NRG3: variants seen among roughly 807,000 people sequenced by gnomAD.
NRG3 encodes the protein neuregulin 3.
In NRG3, 31 loss-of-function variants were observed where a neutral mutation model predicts 66.9. The observed-to-expected ratio is 0.46, with a 90% CI of 0.35 to 0.63. The LOEUF (loss-of-function observed/expected upper bound fraction) is 0.63, where lower values mean the gene tolerates loss of function less well. Ranked by LOEUF, NRG3 falls within the 20% of genes least tolerant of loss-of-function variation. NRG3 has a pLI of 0.00. For synonymous variants in NRG3, 393 were observed against 359.4 expected (o/e 1.09, Z -1.06); for missense variants, 910 against 878.9 (o/e 1.04, Z -0.45).
intron 1 of NRG3, among the ~76,000 whole-genome samples, chr10:82,119,854 G>A (rs1590185384): frequency 1.3e-5 from 2 of 152,110 alleles, no homozygotes; most frequent in East Asian, 3.9e-4. Context: ...CTGAAAACAC[G>A]AGCACCTCTT....
intron 2 of NRG3, among the ~76,000 whole-genome samples, chr10:82,621,398 A>G (rs1259254084): frequency 6.6e-6 from 1 of 152,168 alleles, no homozygotes; most frequent in African/African-American, 2.4e-5. Flanking sequence ...ATCTGGCACA[A>G]TTTCTCTTAG....
chr10:82,863,493 C>T (rs1291079590), intron 3 of NRG3, among the ~76,000 whole-genome samples: 1 of 152,174 alleles, frequency 6.6e-6, no homozygotes, highest in African/African-American at 2.4e-5. Context: ...AAAAGTGTTC[C>T]TATTTCTCCA....
intron 1 of NRG3, among the ~76,000 whole-genome samples, chr10:82,149,053 TTTG>T (rs950087980): frequency 1.5e-5 from 1 of 67,378 alleles, no homozygotes; most frequent in African/African-American, 5.3e-5. Flanking sequence ...TTCCTGTTTT[TTTG>T]TTTTTGTTTT....
At chr10:82,679,879 AG>A (rs2053988563) in intron 2 of NRG3, among the ~76,000 whole-genome samples, 1 of 152,164 alleles carries the variant, frequency 6.6e-6, no homozygotes, top group Non-Finnish European at 1.5e-5. Context: ...AAAAGAAAAA[AG>A]TCTTTTGTTT....
At chr10:82,294,434 AGTGTGTGTGTGT>A (rs35072007) in intron 1 of NRG3, among the ~76,000 whole-genome samples, 39,095 of 149,082 alleles carry the variant, frequency 0.26, 5,251 homozygotes, top group Middle Eastern at 0.32. Flanking sequence ...CTACTGATGA[AGTGTGTGTGTGT>A]GTGTGTGTGT....
chr10:82,985,517 T>TC lies in NRG3; in HGVS notation c.2008dup (p.Leu670ProfsTer18), dbSNP rs1218205787. The stretch of plus-strand genomic sequence containing the variant: ...AGTGCAAGCGAAAACACAGCCTTTC[T>TC]CCCCCTGAGTCCCACAGCCAAATCA... On this transcript the variant is annotated frameshift_variant, in exon 9 of 9. Transcript: ENST00000372141. LOFTEE classifies it high-confidence loss of function. 1 of 1,613,856 alleles carries TC rather than the reference T, an allele frequency of 6.2e-7. No homozygotes were observed.
At chr10:82,039,312 T>C (rs2062926581) in intron 1 of NRG3, among the ~76,000 whole-genome samples, 1 of 152,072 alleles carries the variant, frequency 6.6e-6, no homozygotes, top group Admixed American at 6.6e-5. Context: ...TTAAATTAAA[T>C]ACCAACAATT....
chr10:82,218,793 A>G (rs2075804981), intron 1 of NRG3, among the ~76,000 whole-genome samples: 1 of 152,128 alleles, frequency 6.6e-6, no homozygotes, highest in Non-Finnish European at 1.5e-5. Flanking sequence ...TCTGACCTTA[A>G]TAAAAGTGTT....
intron 2 of NRG3, among the ~76,000 whole-genome samples, chr10:82,566,567 A>T (rs1258588076): frequency 6.6e-6 from 1 of 151,988 alleles, no homozygotes; most frequent in Non-Finnish European, 1.5e-5. Flanking sequence ...TAATAAAATA[A>T]TTAATAAATT....
intron 2 of NRG3, among the ~76,000 whole-genome samples, chr10:82,607,923 C>T (rs1292462480): frequency 2.0e-5 from 3 of 152,118 alleles, no homozygotes; most frequent in African/African-American, 7.2e-5. Context: ...TTCACTTTTC[C>T]ATGAGTTACA....
chr10:82,645,907 T>A (rs995078121), intron 2 of NRG3, among the ~76,000 whole-genome samples: 1 of 152,282 alleles, frequency 6.6e-6, no homozygotes, highest in East Asian at 1.9e-4. Context: ...TGCCTGGAGA[T>A]AAAAGCTGTC....
intron 1 of NRG3, among the ~76,000 whole-genome samples, chr10:82,074,433 G>A (rs2064979548): frequency 6.6e-6 from 1 of 152,184 alleles, no homozygotes; most frequent in East Asian, 1.9e-4. Context: ...AATGTGACAT[G>A]ATCTCATTTG....
At chr10:82,308,913 G>A (rs1589671565) in intron 1 of NRG3, among the ~76,000 whole-genome samples, 1 of 152,128 alleles carries the variant, frequency 6.6e-6, no homozygotes, top group East Asian at 1.9e-4. Context: ...AAGGAGCCAG[G>A]AGAAGCCTCT....
chr10:82,737,894 A>G (rs973196489), intron 2 of NRG3, among the ~76,000 whole-genome samples: 1 of 152,210 alleles, frequency 6.6e-6, no homozygotes, highest in African/African-American at 2.4e-5. Flanking sequence ...GCCTCAGGAC[A>G]GTTGGCTTGT....
At chr10:82,147,635 A>G (rs766527401) in intron 1 of NRG3, among the ~76,000 whole-genome samples, 6 of 152,212 alleles carry the variant, frequency 3.9e-5, no homozygotes, top group Non-Finnish European at 7.3e-5. Context: ...TGCCTGCGTT[A>G]GCCAGCCTCA....
chr10:82,430,109 T>C (rs2089698166), intron 2 of NRG3, among the ~76,000 whole-genome samples: 1 of 152,176 alleles, frequency 6.6e-6, no homozygotes. Context: ...GTGGTTTCTT[T>C]TACTTCTTTA....
intron 2 of NRG3, among the ~76,000 whole-genome samples, chr10:82,441,623 A>G (rs1446118279): frequency 6.6e-6 from 1 of 152,238 alleles, no homozygotes; most frequent in Non-Finnish European, 1.5e-5. Context: ...CTGTAGTAAC[A>G]TGGGCATTGG....
intron 3 of NRG3, among the ~76,000 whole-genome samples, chr10:82,756,203 T>C: frequency 6.6e-6 from 1 of 152,126 alleles, no homozygotes; most frequent in Non-Finnish European, 1.5e-5. Context: ...TGAGCTCTTA[T>C]CCATCATTCT....
rs564120983 is a variant in NRG3, at chr10:82,911,778, G to T, written c.1055-39691G>T. The stretch of plus-strand genomic sequence containing the variant: ...TAGTTTTTATTATTTCTCTTCTTCT[G>T]ATTACTGTAGATATTGATCTTCCTT... On this transcript the variant is annotated intron_variant, in intron 4 of 8. Coordinates refer to ENST00000372141, the MANE Select transcript of NRG3 (RefSeq NM_001010848.4). Among the ~76,000 whole-genome samples, 4 of 151,188 alleles carry T rather than the reference G, an allele frequency of 2.6e-5. No individual in the cohort carries two copies. In the East Asian group the frequency reaches 7.7e-4, roughly 29 times the overall value.
Sources: gnomAD v4.1 joint callset for allele counts (sites outside exome capture counted in the v4.1 genomes callset) on GRCh38, gnomAD v4.1.1 for gene constraint, MANE v1.5 for transcripts, NCBI Gene and HGNC (gene_info 2026-07-23, HGNC 2026-07-21) for gene names.